The following BRINP3 variants were observed in gnomAD, a reference collection of about 807,000 sequenced individuals.
BRINP3 encodes BMP/retinoic acid inducible neural specific 3, also known as BMP/retinoic acid-inducible neural-specific protein 3.
In BRINP3, 19 loss-of-function variants were observed where a neutral mutation model predicts 71.0. That is an observed-to-expected ratio of 0.27 (90% CI 0.19 to 0.39). The LOEUF is 0.39. Ranked by LOEUF, BRINP3 falls within the 10% of genes least tolerant of loss-of-function variation. The probability of loss-of-function intolerance (pLI) is 1.00; values close to 1 mark genes in which losing one functional copy is unlikely to be tolerated. For synonymous variants in BRINP3, 380 were observed against 337.7 expected, an observed-to-expected ratio of 1.13 and a Z score of -1.37; for missense variants, 959 against 940.8, an observed-to-expected ratio of 1.02 and a Z score of -0.25.
chr1:190,182,830 T>A (rs1367616978), intron 6 of BRINP3, among the ~76,000 whole-genome samples: 1 of 152,090 alleles, frequency 6.6e-6, no homozygotes, highest in Non-Finnish European at 1.5e-5. Context: ...GAGACTAAGA[T>A]CAATCATATG....
At chr1:190,134,072 A>T (rs932393134) in intron 7 of BRINP3, among the ~76,000 whole-genome samples, 4 of 152,102 alleles carry the variant, frequency 2.6e-5, no homozygotes, top group Non-Finnish European at 5.9e-5. Context: ...TCAATATATA[A>T]GTGAAATAAT....
chr1:190,186,116 C>G (rs1446002053), intron 6 of BRINP3, among the ~76,000 whole-genome samples: 1 of 152,000 alleles, frequency 6.6e-6, no homozygotes, highest in Non-Finnish European at 1.5e-5. Flanking sequence ...TGGCTGAAGC[C>G]TGTAATCTCA....
rs1329672931 is a variant in BRINP3 at position 190,405,489 on chromosome 1, AAAAC to A, written c.236+49162_236+49165del. ...AAAAAAAAAAAAAAAAAAAAAAAAA[AAAAC>A]CAGAATCAGAAGCGTGACATATCAT... On this transcript the variant is annotated intron_variant, in intron 2 of 7. Transcript: ENST00000367462. 2.2e-4 allele frequency among the ~76,000 whole-genome samples: 12 copies of A among 54,882 alleles called. 3 individuals are homozygous for A. Among genetic ancestry groups the A allele is most frequent in the Admixed American group, 8.1e-4 (4 of 4,962 alleles). 36.0% of individuals were successfully genotyped at this position (54,882 alleles called of 152,430 possible).
chr1:190,145,804 AAAATGT>A (rs1416983087), intron 7 of BRINP3, among the ~76,000 whole-genome samples: 24 of 152,232 alleles, frequency 1.6e-4, no homozygotes, highest in African/African-American at 5.5e-4. Context: ...GTGAATAAAG[AAAATGT>A]TATTATGTAT....
chr1:190,364,285 C>T (rs1001272168), intron 2 of BRINP3, among the ~76,000 whole-genome samples: 1 of 151,946 alleles, frequency 6.6e-6, no homozygotes, highest in Non-Finnish European at 1.5e-5. Flanking sequence ...TAAGTTGGAA[C>T]TGGTCTGTAT....
At chr1:190,305,586 G>A (rs1035410597) in intron 2 of BRINP3, among the ~76,000 whole-genome samples, 1 of 151,592 alleles carries the variant, frequency 6.6e-6, no homozygotes, top group Non-Finnish European at 1.5e-5. Flanking sequence ...AGAAAGCAAG[G>A]AGAAGAGGGG....
intron 1 of BRINP3, among the ~76,000 whole-genome samples, chr1:190,469,652 G>A (rs1676997254): frequency 6.6e-6 from 1 of 150,834 alleles, no homozygotes; most frequent in Non-Finnish European, 1.5e-5. Context: ...CCATACTAAA[G>A]TCATGAAAAC....
At chr1:190,148,724 T>G (rs1194230682) in intron 7 of BRINP3, among the ~76,000 whole-genome samples, 3 of 152,086 alleles carry the variant, frequency 2.0e-5, no homozygotes, top group Admixed American at 6.6e-5. Context: ...GCTCTTCTTT[T>G]AACAGTCTAC....
rs936235812 is a variant in BRINP3 at position 190,131,180 on chromosome 1, C to T, written c.1184+29488G>A. On this transcript the variant is annotated intron_variant, in intron 7 of 7. Transcript: ENST00000367462. ...ACAGTAAAAGGTTATGTGTGTGTGG[C>T]GGGGGGTGGGGGGTGGGGGGACAGG... is the stretch of plus-strand genomic sequence containing the variant. Among the ~76,000 whole-genome samples the T allele has an allele frequency of 5.3e-4, 41 of 77,752 alleles. No individual in the cohort carries two copies. The East Asian group carries it at 9.8e-3, about 19-fold the overall frequency. 51.0% of individuals were successfully genotyped at this position (77,752 alleles called of 152,430 possible). A position where few individuals can be genotyped will look rare whatever the true frequency, so the allele number is the denominator to read the frequency against.
At chr1:190,349,024 T>C (rs903999212) in intron 2 of BRINP3, among the ~76,000 whole-genome samples, 1 of 152,140 alleles carries the variant, frequency 6.6e-6, no homozygotes, top group Non-Finnish European at 1.5e-5. Flanking sequence ...TCATAAAACG[T>C]AGTAGCTGAG....
chr1:190,384,649 C>G (rs2102269586), intron 2 of BRINP3, among the ~76,000 whole-genome samples: 1 of 151,938 alleles, frequency 6.6e-6, no homozygotes, highest in Admixed American at 6.6e-5. Flanking sequence ...TTATTTGTAC[C>G]TCAACTCTGT....
chr1:190,346,090 G>T (rs1332587720), intron 2 of BRINP3, among the ~76,000 whole-genome samples: 2 of 151,938 alleles, frequency 1.3e-5, no homozygotes, highest in African/African-American at 4.8e-5. Context: ...TTTCTAGCAG[G>T]TCTGTCATTT....
intron 1 of BRINP3, among the ~76,000 whole-genome samples, chr1:190,473,379 A>G (rs1402090980): frequency 6.6e-6 from 1 of 152,016 alleles, no homozygotes; most frequent in Admixed American, 6.5e-5. Context: ...TTTTATCAGT[A>G]AGCCATACTA....
intron 6 of BRINP3, among the ~76,000 whole-genome samples, chr1:190,223,211 G>T (rs1019596187): frequency 2.0e-5 from 3 of 151,746 alleles, no homozygotes; most frequent in African/African-American, 2.4e-5. Flanking sequence ...ACAAAAACAT[G>T]ACAAGAAACC....
intron 2 of BRINP3, among the ~76,000 whole-genome samples, chr1:190,298,399 A>G (rs1664414028): frequency 6.6e-6 from 1 of 150,562 alleles, no homozygotes; most frequent in Admixed American, 6.6e-5. Flanking sequence ...CTTTTTAAAG[A>G]TCTTTGAGGA....
At chr1:190,314,873 C>T (rs1374223550) in intron 2 of BRINP3, among the ~76,000 whole-genome samples, 1 of 152,012 alleles carries the variant, frequency 6.6e-6, no homozygotes, top group Non-Finnish European at 1.5e-5. Flanking sequence ...TGTGCAAGAC[C>T]CAGAGCTGAG....
At chr1:190,257,896 G>GCTCATACAGGTGGCTCATACA (rs1660813342) in intron 4 of BRINP3, among the ~76,000 whole-genome samples, 1 of 152,116 alleles carries the variant, frequency 6.6e-6, no homozygotes, top group Non-Finnish European at 1.5e-5. Context: ...GTGTCAGTTG[G>GCTCATACAGGTGGCTCATACA]CCTCTACTGG....
chr1:190,254,590 A>G (rs899077651), intron 4 of BRINP3, among the ~76,000 whole-genome samples: 2 of 152,128 alleles, frequency 1.3e-5, no homozygotes, highest in Non-Finnish European at 2.9e-5. Context: ...TTATTGGTGT[A>G]TAGGAATGCT....
chr1:190,284,009 A>G (rs1452266786), intron 2 of BRINP3, among the ~76,000 whole-genome samples: 1 of 151,958 alleles, frequency 6.6e-6, no homozygotes, highest in Non-Finnish European at 1.5e-5. Flanking sequence ...AATTAGACTA[A>G]AAAATCCAAG....
Sources: allele counts gnomAD v4.1 joint callset (sites outside exome capture counted in the v4.1 genomes callset), GRCh38; gene constraint gnomAD v4.1.1; transcripts MANE v1.5; gene names NCBI Gene and HGNC (gene_info 2026-07-23, HGNC 2026-07-21).